The following DNER variants were observed in gnomAD, a reference collection of about 807,000 sequenced individuals.
DNER encodes the protein delta/notch like EGF repeat containing, also known as delta and Notch-like epidermal growth factor-related receptor.
Under a neutral mutation model 78.2 loss-of-function variants are expected in DNER, and 33 were observed. The observed-to-expected ratio is 0.42, with a 90% confidence interval of 0.32 to 0.56. DNER has a LOEUF of 0.56. Among genes scored for constraint, DNER ranks in the 20% least tolerant of loss-of-function variants. DNER has a pLI of 0.11. For synonymous variants in DNER, 417 were observed against 384.8 expected (o/e 1.08, Z -0.98); for missense variants, 918 against 975.3 (o/e 0.94, Z 0.78).
At chr2:229,691,313 T>C (rs964811426) in intron 1 of DNER, among the ~76,000 whole-genome samples, 5 of 152,186 alleles carry the variant, frequency 3.3e-5, no homozygotes, top group Non-Finnish European at 7.3e-5. Flanking sequence ...ATTTAGTTCA[T>C]TTATATTTAC....
chr2:229,673,933 G>T (rs1316389647), intron 1 of DNER, among the ~76,000 whole-genome samples: 2 of 152,244 alleles, frequency 1.3e-5, no homozygotes, highest in Non-Finnish European at 2.9e-5. Flanking sequence ...CTGGCCAGGG[G>T]CCAGGGAGGG....
At chr2:229,497,035 C>T (rs1695516617) in intron 6 of DNER, among the ~76,000 whole-genome samples, 1 of 152,110 alleles carries the variant, frequency 6.6e-6, no homozygotes. Flanking sequence ...TTCTCCAGAA[C>T]AAATCATATG....
chr2:229,454,415 T>C lies in DNER; in HGVS notation c.1262-6875A>G, dbSNP rs187413648. On this transcript the variant is annotated intron_variant, in intron 7 of 12. Coordinates refer to ENST00000341772, the MANE Select transcript of DNER (RefSeq NM_139072.4). ...ACTAAAGAGATGATCAATAAATGTT[T>C]GTTGAATTGAATATCAAAAAGTCCC... 1.7e-3 allele frequency among the ~76,000 whole-genome samples: 260 copies of C among 152,340 alleles called. 1 individual carries two copies. The highest frequency in any genetic ancestry group is 3.2e-3 in the Non-Finnish European group (221 of 68,022).
At chr2:229,695,674 G>A (rs115374029) in intron 1 of DNER, among the ~76,000 whole-genome samples, 12 of 152,278 alleles carry the variant, frequency 7.9e-5, no homozygotes, top group Admixed American at 2.0e-4. Context: ...AATGACCAGT[G>A]GTAGAGTGAG....
chr2:229,671,107 A>T (rs1174115516), intron 1 of DNER, among the ~76,000 whole-genome samples: 1 of 152,220 alleles, frequency 6.6e-6, no homozygotes, highest in East Asian at 1.9e-4. Context: ...TGCTGAAAAT[A>T]TTAAAAGAAG....
At chr2:229,691,928 T>G (rs1559211120) in intron 1 of DNER, among the ~76,000 whole-genome samples, 1 of 152,116 alleles carries the variant, frequency 6.6e-6, no homozygotes, top group Non-Finnish European at 1.5e-5. Context: ...AAATAGGTGC[T>G]CTCTGTTTCC....
intron 1 of DNER, among the ~76,000 whole-genome samples, chr2:229,704,304 A>C (rs999352541): frequency 3.3e-5 from 5 of 152,210 alleles, no homozygotes; most frequent in Non-Finnish European, 5.9e-5. Flanking sequence ...GCATCTTCTA[A>C]AGTTTAACAC....
chr2:229,481,079 C>A (rs1695147835), intron 6 of DNER, among the ~76,000 whole-genome samples: 1 of 152,198 alleles, frequency 6.6e-6, no homozygotes, highest in East Asian at 1.9e-4. Context: ...CAATAACCAG[C>A]TATGGATCTG....
At chr2:229,427,189 C>A (rs923254052) in intron 8 of DNER, among the ~76,000 whole-genome samples, 3 of 152,348 alleles carry the variant, frequency 2.0e-5, no homozygotes, top group South Asian at 2.1e-4. Flanking sequence ...TTCCATCTCC[C>A]TCCCTGGGCT....
intron 11 of DNER, among the ~76,000 whole-genome samples, chr2:229,367,662 C>CA (rs1221548921): frequency 1.3e-5 from 2 of 151,828 alleles, no homozygotes; most frequent in Non-Finnish European, 2.9e-5. Flanking sequence ...AGGAATTCAT[C>CA]AAAAAAATAC....
At chr2:229,460,140 G>A (rs1349328663) in intron 7 of DNER, among the ~76,000 whole-genome samples, 1 of 109,994 alleles carries the variant, frequency 9.1e-6, no homozygotes, top group African/African-American at 3.5e-5. Context: ...CTGGGTGACA[G>A]AGTGAGACTC....
intron 10 of DNER, among the ~76,000 whole-genome samples, chr2:229,391,917 T>A (rs887979229): frequency 6.6e-6 from 1 of 152,216 alleles, no homozygotes; most frequent in African/African-American, 2.4e-5. Context: ...GTAGTACTTA[T>A]GTAGATTTAC....
At chr2:229,455,299 C>A (rs1384497307) in intron 7 of DNER, among the ~76,000 whole-genome samples, 1 of 152,066 alleles carries the variant, frequency 6.6e-6, no homozygotes, top group African/African-American at 2.4e-5. Context: ...CAGGCTTAAT[C>A]ATTTTTTCTC....
intron 4 of DNER, among the ~76,000 whole-genome samples, chr2:229,551,662 A>T (rs141956252): frequency 6.6e-6 from 1 of 151,872 alleles, no homozygotes; most frequent in Admixed American, 6.6e-5. Flanking sequence ...GGAAGGGCGC[A>T]GTGGCTCATG....
At chr2:229,675,896 A>G (rs35950189) in intron 1 of DNER, among the ~76,000 whole-genome samples, 33,736 of 152,020 alleles carry the variant, frequency 0.22, 3,941 homozygotes, top group East Asian at 0.36. Context: ...AATACTGCAC[A>G]CCTCCAGGAA....
At chr2:229,412,803 G>A (rs540043160) in intron 9 of DNER, among the ~76,000 whole-genome samples, 2 of 152,342 alleles carry the variant, frequency 1.3e-5, no homozygotes, top group African/African-American at 2.4e-5. Flanking sequence ...CCAGGGCTCA[G>A]TGGGGCAAAG....
chr2:229,597,798 C>T (rs1559178090), intron 1 of DNER, among the ~76,000 whole-genome samples: 1 of 152,192 alleles, frequency 6.6e-6, no homozygotes, highest in Non-Finnish European at 1.5e-5. Context: ...CATTTTTTCA[C>T]ATCATAGAAC....
chr2:229,376,619 G>A (rs1208682534), intron 11 of DNER, among the ~76,000 whole-genome samples: 1 of 152,162 alleles, frequency 6.6e-6, no homozygotes, highest in Non-Finnish European at 1.5e-5. Context: ...ATTTTAAAAA[G>A]TGTCGTAGAT....
At chr2:229,672,860 G>C (rs1290960842) in intron 1 of DNER, among the ~76,000 whole-genome samples, 1 of 152,132 alleles carries the variant, frequency 6.6e-6, no homozygotes, top group Non-Finnish European at 1.5e-5. Context: ...TTTCTAGAAG[G>C]GTCTACAGGA....
Sources: gnomAD v4.1 joint callset for allele counts (sites outside exome capture counted in the v4.1 genomes callset) on GRCh38, gnomAD v4.1.1 for gene constraint, MANE v1.5 for transcripts, NCBI Gene and HGNC (gene_info 2026-07-23, HGNC 2026-07-21) for gene names.